Variants in PVT1 observed in about 807,000 individuals in gnomAD.
PVT1 encodes the protein Pvt1 oncogene.
At chr8:127,844,330 A>C (rs1031921990) in intron 2 of PVT1, among the ~76,000 whole-genome samples, 10 of 152,172 alleles carry the variant, frequency 6.6e-5, no homozygotes, top group African/African-American at 2.4e-4. Context: ...GTCTGAAATG[A>C]CAAGTGTGAA....
chr8:127,897,326 G>A lies in PVT1; in HGVS notation n.782+6328G>A, dbSNP rs145383750. Among the ~76,000 whole-genome samples, 49 of 152,276 alleles carry A rather than the reference G, an allele frequency of 3.2e-4. No homozygotes were observed. The East Asian group carries it at 8.9e-3, about 28-fold the overall frequency. ...CAGACTGCAAGAGACATAGGAAGCA[G>A]CCAGGGCAGGCTATCTTAAGAGGAG... is the stretch of plus-strand genomic sequence containing the variant. On this transcript the variant is annotated intron_variant and non_coding_transcript_variant, in intron 3 of 10. Coordinates refer to ENST00000651587, the Ensembl canonical transcript of PVT1.
At chr8:127,872,671 G>C (rs767041333) in intron 2 of PVT1, among the ~76,000 whole-genome samples, 2 of 152,202 alleles carry the variant, frequency 1.3e-5, no homozygotes, top group Non-Finnish European at 2.9e-5. Flanking sequence ...TCCGTAGAAT[G>C]TCATGCCTGT....
rs76938365 is a variant in PVT1 at position 128,038,674 on chromosome 8, T to C, written n.913-31486T>C. 5.1e-3 allele frequency among the ~76,000 whole-genome samples: 774 copies of C among 152,256 alleles called. 9 individuals carry two copies. The highest frequency in any genetic ancestry group is 0.018 in the African/African-American group (731 of 41,528). ...GGCCCAGTTCCTGCTAGTTGACTCCTTGGGGACGGAATCCTCTATTGCTTG... is the reference window on the plus strand; with the variant it reads ...GGCCCAGTTCCTGCTAGTTGACTCCCTGGGGACGGAATCCTCTATTGCTTG... On this transcript the variant is annotated intron_variant and non_coding_transcript_variant, in intron 4 of 10. Coordinates refer to ENST00000651587, the Ensembl canonical transcript of PVT1.
chr8:127,979,876 T>C (rs1816863818), intron 3 of PVT1, among the ~76,000 whole-genome samples: 1 of 144,666 alleles, frequency 6.9e-6, no homozygotes, highest in South Asian at 2.2e-4. Context: ...TGTTTTTTTG[T>C]TGTGGTGGTG....
intron 2 of PVT1, chr8:127,803,200 C>T (rs1349790623): frequency 1.4e-5 from 2 of 145,624 alleles, no homozygotes; most frequent in Non-Finnish European, 3.0e-5. Context: ...GAGATCTCGG[C>T]TCACTGCAAG....
intron 4 of PVT1, among the ~76,000 whole-genome samples, chr8:127,995,172 A>G (rs1463813195): frequency 6.6e-6 from 1 of 152,002 alleles, no homozygotes; most frequent in African/African-American, 2.4e-5. Flanking sequence ...GCCCCAGCTG[A>G]CCCCTTTGAT....
At chr8:128,024,855 C>T (rs1817475263) in intron 4 of PVT1, among the ~76,000 whole-genome samples, 1 of 152,218 alleles carries the variant, frequency 6.6e-6, no homozygotes, top group South Asian at 2.1e-4. Context: ...CATCTCTAAT[C>T]AATTCATTCA....
intron 2 of PVT1, among the ~76,000 whole-genome samples, chr8:127,832,885 A>G (rs891739811): frequency 1.3e-5 from 2 of 152,102 alleles, no homozygotes; most frequent in Non-Finnish European, 2.9e-5. Flanking sequence ...TTCTTGCACA[A>G]TTGGATAAGG....
At chr8:127,904,874 T>C (rs1487386035) in intron 3 of PVT1, among the ~76,000 whole-genome samples, 2 of 152,208 alleles carry the variant, frequency 1.3e-5, no homozygotes, top group Non-Finnish European at 2.9e-5. Flanking sequence ...CAGCAGAGCT[T>C]TAAACCAAGC....
At chr8:128,006,490 A>AT (rs200310796) in intron 4 of PVT1, among the ~76,000 whole-genome samples, 12 of 150,584 alleles carry the variant, frequency 8.0e-5, no homozygotes, top group South Asian at 6.3e-4. Context: ...TAAAGTTTCT[A>AT]TTTTTTTTTC....
chr8:127,914,299 A>G (rs865907901), intron 3 of PVT1, among the ~76,000 whole-genome samples: 1,768 of 136,232 alleles, frequency 0.013, 44 homozygotes, highest in African/African-American at 0.049. Flanking sequence ...AAAAAAAAAA[A>G]AGGCAGAAAA....
At chr8:127,808,034 T>G (rs1814547297) in intron 2 of PVT1, among the ~76,000 whole-genome samples, 1 of 151,538 alleles carries the variant, frequency 6.6e-6, no homozygotes, top group Non-Finnish European at 1.5e-5. Flanking sequence ...TCCCACAGTG[T>G]TAGGATTACA....
intron 3 of PVT1, among the ~76,000 whole-genome samples, chr8:127,907,122 G>A (rs1815832355): frequency 1.3e-5 from 2 of 151,966 alleles, no homozygotes; most frequent in Non-Finnish European, 2.9e-5. Flanking sequence ...CACCGCACCC[G>A]GCTAATTTTT....
At chr8:127,999,451 AC>A (rs1256533037) in intron 4 of PVT1, among the ~76,000 whole-genome samples, 1 of 150,686 alleles carries the variant, frequency 6.6e-6, no homozygotes, top group East Asian at 1.9e-4. Context: ...CTAATTCATT[AC>A]CACATTTCAC....
At chr8:127,986,269 G>A (rs1009972719) in intron 3 of PVT1, among the ~76,000 whole-genome samples, 5 of 152,186 alleles carry the variant, frequency 3.3e-5, no homozygotes, top group Admixed American at 2.6e-4. Context: ...CCTCTGCCCC[G>A]AACCTCCTGG....
intron 5 of PVT1, among the ~76,000 whole-genome samples, chr8:128,073,546 C>T (rs1454418528): frequency 6.6e-6 from 1 of 152,124 alleles, no homozygotes; most frequent in Non-Finnish European, 1.5e-5. Context: ...TCTACTCTAG[C>T]AATGAGCTCC....
chr8:127,808,152 A>G (rs763477087), intron 2 of PVT1, among the ~76,000 whole-genome samples: 1 of 152,218 alleles, frequency 6.6e-6, no homozygotes, highest in Middle Eastern at 3.4e-3. Context: ...GGTTCAAGCA[A>G]TTCTGGTTCC....
intron 2 of PVT1, among the ~76,000 whole-genome samples, chr8:127,885,931 G>T (rs1005396636): frequency 7.9e-5 from 12 of 152,026 alleles, no homozygotes; most frequent in African/African-American, 2.9e-4. Context: ...CTTTCAGGTA[G>T]ATTTAAATGG....
chr8:127,820,118 G>T (rs1814712798), intron 2 of PVT1, among the ~76,000 whole-genome samples: 1 of 152,176 alleles, frequency 6.6e-6, no homozygotes, highest in Non-Finnish European at 1.5e-5. Flanking sequence ...AGAAGTATGG[G>T]TTCAAGGCCA....
Sources: allele counts gnomAD v4.1 joint callset (sites outside exome capture counted in the v4.1 genomes callset), GRCh38; gene constraint gnomAD v4.1.1; transcripts MANE v1.5; gene names NCBI Gene and HGNC (gene_info 2026-07-23, HGNC 2026-07-21).